VAC14: variants seen among roughly 807,000 people sequenced by gnomAD.
VAC14 encodes the protein protein VAC14 homolog.
In VAC14, 47 loss-of-function variants were observed where a neutral mutation model predicts 85.3. The observed-to-expected ratio is 0.55, with a 90% CI of 0.44 to 0.70. The LOEUF is 0.70. Ranked by LOEUF, VAC14 falls within the 30% of genes least tolerant of loss-of-function variation. The probability of loss-of-function intolerance (pLI) is 0.00; values close to 1 mark genes in which losing one functional copy is unlikely to be tolerated. For synonymous variants in VAC14, 447 were observed against 430.5 expected (o/e 1.04, Z -0.47); for missense variants, 861 against 1,004.3 (o/e 0.86, Z 1.93).
At chr16:70,754,941 G>A (rs976237035) in intron 12 of VAC14, among the ~76,000 whole-genome samples, 1 of 152,210 alleles carries the variant, frequency 6.6e-6, no homozygotes, top group African/African-American at 2.4e-5. Flanking sequence ...GGCAGCATTA[G>A]TATTCCAGGG....
At chr16:70,706,392 G>A (rs1418362541) in intron 14 of VAC14, among the ~76,000 whole-genome samples, 1 of 152,238 alleles carries the variant, frequency 6.6e-6, no homozygotes, top group African/African-American at 2.4e-5. Flanking sequence ...TCAGGTGCCT[G>A]CTGAGGGCAG....
chr16:70,792,051 C>T (rs909128216), intron 1 of VAC14, among the ~76,000 whole-genome samples: 2 of 152,120 alleles, frequency 1.3e-5, no homozygotes, highest in Admixed American at 6.5e-5. Flanking sequence ...GGCTGCTGGC[C>T]GGGGAAAGGT....
chr16:70,766,414 G>A (rs1244506166), intron 10 of VAC14: 4 of 452,448 alleles, frequency 8.8e-6, no homozygotes, highest in African/African-American at 8.0e-5. Flanking sequence ...AGCATTTCGT[G>A]TATTAACATT....
intron 14 of VAC14, among the ~76,000 whole-genome samples, chr16:70,723,856 G>A (rs1226268515): frequency 1.3e-5 from 2 of 152,248 alleles, no homozygotes; most frequent in African/African-American, 4.8e-5. Context: ...TGGCCACCGA[G>A]GAGGGGAGCT....
At chr16:70,734,442 TA>T (rs1359450778) in intron 13 of VAC14, among the ~76,000 whole-genome samples, 1 of 152,188 alleles carries the variant, frequency 6.6e-6, no homozygotes, top group East Asian at 1.9e-4. Flanking sequence ...CTCTTTTTAT[TA>T]AAAAAATTTT....
At chr16:70,693,344 C>T (rs2053637892) in intron 17 of VAC14, among the ~76,000 whole-genome samples, 1 of 152,230 alleles carries the variant, frequency 6.6e-6, no homozygotes. Context: ...CCTGGTGATA[C>T]GAGGGCTCGG....
intron 1 of VAC14, among the ~76,000 whole-genome samples, chr16:70,798,550 A>T (rs1036141885): frequency 1.3e-5 from 2 of 152,246 alleles, no homozygotes. Flanking sequence ...TTTGTGAAGC[A>T]TATGTTCTGA....
At chr16:70,786,505 T>A in intron 1 of VAC14, 140 bp from the exon 2 acceptor site, 1 of 1,116,680 alleles carries the variant, frequency 9.0e-7, no homozygotes, top group Non-Finnish European at 1.3e-6. Context: ...CAGGTCTCAG[T>A]TCTGTTGCTG....
Position 70,762,599 on chromosome 16 carries a change from G to A in VAC14, c.1312C>T (p.Arg438Trp), listed in dbSNP as rs142411323. The A allele has an allele frequency of 4.3e-5, 69 of 1,613,832 alleles. No homozygotes were observed. In the Admixed American group the frequency reaches 5.7e-4, roughly 13 times the overall value. The change falls in exon 12 of 19, where the codon CGG becomes TGG. Residue 438 changes from arginine to tryptophan, a missense_variant. By Grantham distance (101) the Arg-to-Trp change is moderately radical. This residue lies in a region of VAC14 where 629 missense variants were observed against 703.1 expected (regional missense o/e 0.89). Coordinates refer to ENST00000261776, the MANE Select transcript of VAC14 (RefSeq NM_018052.5). This position sits in a 1 kb window ranked among gnomAD's most constrained non-coding sequence, Gnocchi z 4.1. ...LYIKTPRKMF[R>W]HTDSLFPILL... ...ATGGGAAAGAGGCTGTCCGTGTGCCGGAACATCTGGAGGGCAGAGAAGCAG... is the reference window on the plus strand; with the variant it reads ...ATGGGAAAGAGGCTGTCCGTGTGCCAGAACATCTGGAGGGCAGAGAAGCAG...
rs2054593849 is a variant in VAC14, at chr16:70,731,633, G to C, written c.1529-6C>G. ...ACATTCTAAGCCTTTGGTACCTGTAGAGAAAGGGATAGAGCCAGCATTTAT... is the reference window on the plus strand; with the variant it reads ...ACATTCTAAGCCTTTGGTACCTGTACAGAAAGGGATAGAGCCAGCATTTAT... On this transcript the variant is annotated splice_polypyrimidine_tract_variant and splice_region_variant and intron_variant, in intron 13 of 18. Transcript: ENST00000261776. The C allele has an allele frequency of 3.1e-6, 5 of 1,613,690 alleles. No homozygotes were observed. Among genetic ancestry groups the C allele is most frequent in the Non-Finnish European group, 3.4e-6 (4 of 1,179,892 alleles).
chr16:70,724,250 T>G (rs1422889103), intron 14 of VAC14, among the ~76,000 whole-genome samples: 1 of 152,146 alleles, frequency 6.6e-6, no homozygotes, highest in Non-Finnish European at 1.5e-5. Flanking sequence ...AGCCATCCCT[T>G]GTTACAGGGA....
At position 70,749,878 on chromosome 16, in the gene VAC14, G is replaced by C. The variant is rs569913758; in HGVS notation, c.1372-5299C>G. Reference sequence around the variant, plus strand: ...TGGCCAGGACTCTGCCTCTGCCTGGGGTGGAAGAGAGGCCCTGGTGAGAGG... The same window carrying C: ...TGGCCAGGACTCTGCCTCTGCCTGGCGTGGAAGAGAGGCCCTGGTGAGAGG... On this transcript the variant is annotated intron_variant, in intron 12 of 18. Transcript: ENST00000261776. Among the ~76,000 whole-genome samples, 10 of 152,352 alleles carry C rather than the reference G, an allele frequency of 6.6e-5. 1 individual carries two copies. The South Asian group carries it at 2.1e-3, about 32-fold the overall frequency.
intron 15 of VAC14, 111 bp from the exon 16 acceptor site, chr16:70,697,368 T>G (rs1034604595): frequency 2.1e-5 from 17 of 813,410 alleles, no homozygotes; most frequent in Non-Finnish European, 3.3e-5. Context: ...GGGCCTTCAG[T>G]CGGGGGCAGC....
At chr16:70,743,780 T>C (rs944180658) in intron 13 of VAC14, among the ~76,000 whole-genome samples, 1 of 152,136 alleles carries the variant, frequency 6.6e-6, no homozygotes, top group African/African-American at 2.4e-5. Flanking sequence ...TGGAGACACC[T>C]GAGATTCACT....
intron 12 of VAC14, among the ~76,000 whole-genome samples, chr16:70,760,953 C>T (rs1236529819): frequency 5.3e-5 from 4 of 76,168 alleles, no homozygotes; most frequent in Non-Finnish European, 7.6e-5. Context: ...GGGTGGTGCA[C>T]GAAGAGAGGG....
chr16:70,693,019 A>T, intron 17 of VAC14, 48 bp from the exon 18 acceptor site: 1 of 1,581,300 alleles, frequency 6.3e-7, no homozygotes. Context: ...CTGCTCTGGG[A>T]CACGCCCAGC....
chr16:70,795,723 G>C (rs575119381), intron 1 of VAC14, among the ~76,000 whole-genome samples: 4 of 152,320 alleles, frequency 2.6e-5, no homozygotes, highest in South Asian at 2.1e-4. Context: ...GGGCTCTCAG[G>C]GGGCATGGCC....
At chr16:70,730,143 G>C (rs913449991) in intron 14 of VAC14, among the ~76,000 whole-genome samples, 2 of 151,670 alleles carry the variant, frequency 1.3e-5, no homozygotes, top group East Asian at 1.9e-4. Context: ...ACTCAGTCTC[G>C]AATCCTCATT....
intron 18 of VAC14, 107 bp from the exon 19 acceptor site, chr16:70,688,197 C>T: frequency 7.4e-7 from 1 of 1,351,054 alleles, no homozygotes; most frequent in South Asian, 2.2e-5. Flanking sequence ...GTGGGCTCGG[C>T]CTGTGGGCGT....
Sources: allele counts gnomAD v4.1 joint callset (sites outside exome capture counted in the v4.1 genomes callset), GRCh38; gene constraint gnomAD v4.1.1; regional missense constraint gnomAD v4.1.1; non-coding constraint Gnocchi (gnomAD v3.1); transcripts MANE v1.5; gene names NCBI Gene and HGNC (gene_info 2026-07-23, HGNC 2026-07-21).